The following BBOF1 variants were observed in gnomAD, a reference collection of about 807,000 sequenced individuals.
BBOF1 encodes basal body orientation factor 1.
BBOF1 carries 62 observed loss-of-function variants against 68.0 expected under a neutral mutation model. The ratio of observed to expected loss-of-function variants is 0.91; its 90% confidence interval spans 0.74 to 1.13. The LOEUF is 1.13. Among genes scored for constraint, BBOF1 ranks in the 50% most tolerant of loss-of-function variants. BBOF1 has a pLI of 0.00. For synonymous variants in BBOF1, 208 were observed against 198.8 expected (o/e 1.05, Z -0.39); for missense variants, 534 against 600.1 (o/e 0.89, Z 1.15).
chr14:74,078,199 A>G (rs1441315123), exon 10 of BBOF1: 1 of 456,052 alleles, frequency 2.2e-6, no homozygotes, highest in Admixed American at 2.3e-5. Context: ...ACTTCAGAGC[A>G]CACAGAAACC....
At chr14:74,055,276 G>A (rs35518888) in intron 8 of BBOF1, 31,360 of 259,910 alleles carry the variant, frequency 0.12, 2,423 homozygotes, top group Admixed American at 0.2. Context: ...AGCCTCCCGA[G>A]TAGCTGGGAT....
chr14:74,071,932 G>A, intron 9 of BBOF1: 2 of 1,614,224 alleles, frequency 1.2e-6, no homozygotes, highest in Non-Finnish European at 1.7e-6. Context: ...GCATCAGCTA[G>A]GGTCTTCCCT....
intron 5 of BBOF1, among the ~76,000 whole-genome samples, chr14:74,044,635 A>AT (rs892580109): frequency 2.0e-5 from 3 of 151,702 alleles, no homozygotes; most frequent in Non-Finnish European, 4.4e-5. Context: ...ATTAAAAAAA[A>AT]TTTTTTTTGG....
chr14:74,064,548 G>A, intron 11 of BBOF1, 140 bp from the exon 12 acceptor site: 3 of 763,154 alleles, frequency 3.9e-6, no homozygotes, highest in Non-Finnish European at 6.9e-6. Flanking sequence ...GAGAGATGGG[G>A]AAGAGGGTCA....
At chr14:74,081,732 C>G (rs1276585866) in intron 12 of BBOF1, among the ~76,000 whole-genome samples, 1 of 152,282 alleles carries the variant, frequency 6.6e-6, no homozygotes, top group Non-Finnish European at 1.5e-5. Context: ...CCAGATACTC[C>G]TATTGTTTAT....
At position 74,065,446 on chromosome 14, in the gene BBOF1, C is replaced by T; in HGVS notation, c.*747C>T. The T allele has an allele frequency of 8.2e-7, 1 of 1,221,718 alleles. No homozygotes were observed. The highest frequency in any genetic ancestry group is 1.9e-5 in the Admixed American group (1 of 52,402). The allele number at this position is 1,221,718 out of a possible 1,614,324, so 75.7% of individuals were successfully genotyped here. On this transcript the variant is annotated 3_prime_UTR_variant, in exon 12 of 12. Transcript: ENST00000394009. Reference sequence around the variant, plus strand: ...TTATTTGGTACTTTCACTTACTACACATCATTTACGTGGACAACTTTCATA... The same window carrying T: ...TTATTTGGTACTTTCACTTACTACATATCATTTACGTGGACAACTTTCATA...
chr14:74,040,352 A>G (rs777194038), intron 4 of BBOF1, among the ~76,000 whole-genome samples: 2 of 152,234 alleles, frequency 1.3e-5, no homozygotes, highest in Non-Finnish European at 2.9e-5. Context: ...GAAACTGCAC[A>G]TAAGGAGGAC....
At chr14:74,027,315 G>T (rs1245148482) in intron 2 of BBOF1, among the ~76,000 whole-genome samples, 2 of 148,412 alleles carry the variant, frequency 1.3e-5, no homozygotes, top group Admixed American at 6.8e-5. Flanking sequence ...TCGAACTCCT[G>T]ACCTCAGGTG....
In BBOF1 at chr14:74,077,267, G is replaced by A. The variant is rs369342048; in HGVS notation, n.1380-929G>A. Among the ~76,000 whole-genome samples, 15 of 152,218 alleles carry A rather than the reference G, an allele frequency of 9.9e-5. No individual in the cohort carries two copies. The South Asian group carries it at 2.9e-3, about 30-fold the overall frequency. ...CCTGTCTGCTTCCTACCCCAAACTA[G>A]GTTAAGAGGCCCTTTTTTGTCCTCT... On this transcript the variant is annotated intron_variant and non_coding_transcript_variant, in intron 9 of 12. Transcript: ENST00000492026.
intron 8 of BBOF1, among the ~76,000 whole-genome samples, chr14:74,052,552 G>C (rs1158438740): frequency 6.6e-6 from 1 of 152,046 alleles, no homozygotes; most frequent in African/African-American, 2.4e-5. Context: ...GGCTGAGGCA[G>C]GAGAATCACT....
chr14:74,066,618 T>A (rs2060470369), downstream of BBOF1: 1 of 1,294,198 alleles, frequency 7.7e-7, no homozygotes, highest in African/African-American at 1.5e-5. Flanking sequence ...AGTCATTAAG[T>A]ATTTTCATTA....
chr14:74,072,673 C>T, intron 9 of BBOF1: 1 of 1,566,422 alleles, frequency 6.4e-7, no homozygotes, highest in Non-Finnish European at 8.7e-7. Context: ...TAGCTAATTG[C>T]TTTGCTTTTC....
chr14:74,021,855 C>T (rs1231394223), intron 1 of BBOF1, among the ~76,000 whole-genome samples: 3 of 151,514 alleles, frequency 2.0e-5, no homozygotes, highest in Non-Finnish European at 2.9e-5. Context: ...TGCAGTGAGC[C>T]GAGATCACGC....
downstream of BBOF1, chr14:74,066,906 A>G: frequency 1.2e-6 from 2 of 1,609,556 alleles, no homozygotes; most frequent in Non-Finnish European, 1.7e-6. Context: ...AACACAGAAG[A>G]ATTTAAGGTC....
At chr14:74,023,942 A>C (rs947977809) in intron 2 of BBOF1, among the ~76,000 whole-genome samples, 10 of 148,278 alleles carry the variant, frequency 6.7e-5, no homozygotes, top group Non-Finnish European at 1.2e-4. Context: ...AAAAAAAAAA[A>C]AGAAAAGAAA....
intron 6 of BBOF1, 51 bp from the exon 7 acceptor site, chr14:74,047,879 G>T: frequency 6.7e-7 from 1 of 1,495,280 alleles, no homozygotes; most frequent in Non-Finnish European, 9.0e-7. Flanking sequence ...TTTCTATTTT[G>T]GCGATATCTA....
rs141160498 is a variant in BBOF1 at position 74,064,781 on chromosome 14, T to C, written c.*82T>C. On this transcript the variant is annotated 3_prime_UTR_variant, in exon 12 of 12. Transcript: ENST00000394009. Reference sequence around the variant, plus strand: ...TTGCTCCTGAATATCTTTAAGAAAATTTCTTAAAGGAAAAGACAAAAAATT... The same window carrying C: ...TTGCTCCTGAATATCTTTAAGAAAACTTCTTAAAGGAAAAGACAAAAAATT... 1,982 of 1,612,506 alleles carry C rather than the reference T, an allele frequency of 1.2e-3. 12 individuals are homozygous for C. The African/African-American group carries it at 0.015, about 12-fold the overall frequency.
At chr14:74,037,971 G>A (rs1438900839) in intron 4 of BBOF1, among the ~76,000 whole-genome samples, 1 of 151,298 alleles carries the variant, frequency 6.6e-6, no homozygotes, top group African/African-American at 2.4e-5. Flanking sequence ...AAAAAAAAAG[G>A]AATAATTTTC....
chr14:74,061,613 A>C (rs940897454), intron 11 of BBOF1, among the ~76,000 whole-genome samples: 1 of 152,180 alleles, frequency 6.6e-6, no homozygotes, highest in African/African-American at 2.4e-5. Context: ...GGCATGAGCC[A>C]CTGTACCCAG....
Sources: allele counts gnomAD v4.1 joint callset (sites outside exome capture counted in the v4.1 genomes callset), GRCh38; gene constraint gnomAD v4.1.1; transcripts MANE v1.5; gene names NCBI Gene and HGNC (gene_info 2026-07-23, HGNC 2026-07-21).